The following FAM20B variants were observed in gnomAD, a reference collection of about 807,000 sequenced individuals.
The protein encoded by FAM20B is glycosaminoglycan xylosylkinase.
In FAM20B, 23 loss-of-function variants were observed where a neutral mutation model predicts 43.8. The observed-to-expected ratio is 0.53, with a 90% CI of 0.38 to 0.74. The LOEUF (loss-of-function observed/expected upper bound fraction) is 0.74, where lower values mean the gene tolerates loss of function less well. FAM20B is among the 30% of genes least tolerant of loss of function. The pLI is 0.00. For missense variants in FAM20B, 440 were observed against 510.5 expected, an observed-to-expected ratio of 0.86 and a Z score of 1.33; for synonymous variants, 178 against 192.4, an observed-to-expected ratio of 0.93 and a Z score of 0.62.
At chr1:179,049,575 C>T (rs1650914585) in intron 2 of FAM20B, among the ~76,000 whole-genome samples, 1 of 152,194 alleles carries the variant, frequency 6.6e-6, no homozygotes, top group Admixed American at 6.5e-5. Context: ...GAGCCTCACT[C>T]TGTTGCCCAG....
At chr1:179,070,463 A>G (rs1051390038) in intron 7 of FAM20B, among the ~76,000 whole-genome samples, 10 of 150,390 alleles carry the variant, frequency 6.6e-5, no homozygotes, top group Non-Finnish European at 1.2e-4. Context: ...ATCATGTCAC[A>G]TGGCAGAAGG....
intron 1 of FAM20B, among the ~76,000 whole-genome samples, chr1:179,031,798 G>GCA (rs1650026470): frequency 6.6e-6 from 1 of 152,222 alleles, no homozygotes; most frequent in Admixed American, 6.5e-5. Flanking sequence ...CACATGAAAA[G>GCA]CTGTCATCTT....
In FAM20B at chr1:179,071,902, T is replaced by C; in HGVS notation, c.999-11T>C. ...GTTTTATGTACCTTGTTCTATAACT[T>C]TTTCTCCCAGCATTCGGGTGTCCAC... On this transcript the variant is annotated splice_polypyrimidine_tract_variant and intron_variant, in intron 7 of 7. Coordinates refer to ENST00000263733, the MANE Select transcript of FAM20B (RefSeq NM_014864.4). 1 of 1,597,222 alleles carries C rather than the reference T, an allele frequency of 6.3e-7. No homozygotes were observed. Among genetic ancestry groups the C allele is most frequent in the Non-Finnish European group, 8.6e-7 (1 of 1,164,746 alleles).
chr1:179,025,739 T>A (rs1371644349), upstream of FAM20B: 1 of 128,470 alleles, frequency 7.8e-6, no homozygotes, highest in Admixed American at 7.8e-5. Context: ...GGGCCCGGTA[T>A]GGAAGAGGTT....
At chr1:179,030,556 C>CT (rs1385743690) in intron 1 of FAM20B, among the ~76,000 whole-genome samples, 1 of 152,170 alleles carries the variant, frequency 6.6e-6, no homozygotes, top group Non-Finnish European at 1.5e-5. Context: ...AAGGTGGCAA[C>CT]TTTAAATTGA....
intron 1 of FAM20B, among the ~76,000 whole-genome samples, chr1:179,036,488 C>G (rs1259337693): frequency 1.3e-5 from 2 of 152,160 alleles, no homozygotes; most frequent in African/African-American, 2.4e-5. Context: ...TGAAATAGAG[C>G]AGGCACATTC....
intron 1 of FAM20B, among the ~76,000 whole-genome samples, chr1:179,033,728 C>T (rs57443960): frequency 0.021 from 3,231 of 152,190 alleles, 134 homozygotes; most frequent in African/African-American, 0.075. Flanking sequence ...CAGTCTTGCT[C>T]TGTCACCAGG....
chr1:179,039,927 G>A (rs1234830180), intron 1 of FAM20B, among the ~76,000 whole-genome samples: 2 of 152,038 alleles, frequency 1.3e-5, no homozygotes, highest in East Asian at 3.9e-4. Flanking sequence ...AGGGAGTGGT[G>A]ATGACTCTTA....
At chr1:179,019,689 C>T in the FAM20B span, among the ~76,000 whole-genome samples, 3 of 152,124 alleles carry the variant, frequency 2.0e-5, no homozygotes, top group South Asian at 6.2e-4. Context: ...CTCAAACTCC[C>T]GACCTCAGGT....
chr1:179,047,501 C>T (rs1650822641), intron 2 of FAM20B, among the ~76,000 whole-genome samples: 1 of 152,132 alleles, frequency 6.6e-6, no homozygotes, highest in Non-Finnish European at 1.5e-5. Flanking sequence ...AAACTCTGGC[C>T]CCCTGCTCCC....
At chr1:179,045,666 A>T (rs1650735175) in intron 2 of FAM20B, among the ~76,000 whole-genome samples, 2 of 152,116 alleles carry the variant, frequency 1.3e-5, no homozygotes, top group South Asian at 4.1e-4. Context: ...GCACTTGGGG[A>T]GGCCGAGGTG....
intron 7 of FAM20B, among the ~76,000 whole-genome samples, chr1:179,067,639 T>TA (rs1651748159): frequency 6.6e-6 from 1 of 151,990 alleles, no homozygotes; most frequent in South Asian, 2.1e-4. Context: ...TTGGTTTTTT[T>TA]AAAAAAACTC....
chr1:179,047,081 A>G (rs1650804674), intron 2 of FAM20B, among the ~76,000 whole-genome samples: 1 of 152,208 alleles, frequency 6.6e-6, no homozygotes, highest in African/African-American at 2.4e-5. Context: ...GTGTTAGAAG[A>G]CAGATATTCC....
At chr1:179,047,033 C>T (rs868383232) in intron 2 of FAM20B, among the ~76,000 whole-genome samples, 2 of 152,144 alleles carry the variant, frequency 1.3e-5, no homozygotes, top group Non-Finnish European at 2.9e-5. Flanking sequence ...ACCACTTGTA[C>T]ACTGGAGAAT....
At chr1:179,037,375 C>T (rs1049978493) in intron 1 of FAM20B, among the ~76,000 whole-genome samples, 1 of 151,880 alleles carries the variant, frequency 6.6e-6, no homozygotes, top group African/African-American at 2.4e-5. Flanking sequence ...TTTAACCTGC[C>T]CTCACTTAGA....
intron 2 of FAM20B, among the ~76,000 whole-genome samples, chr1:179,046,995 C>CA (rs1025319548): frequency 1.4e-4 from 21 of 150,492 alleles, no homozygotes; most frequent in East Asian, 3.9e-4. Context: ...AACTCCGTCT[C>CA]AAAAAAAAAG....
chr1:179,065,465 C>T (rs1488120104), intron 6 of FAM20B, among the ~76,000 whole-genome samples: 3 of 152,146 alleles, frequency 2.0e-5, no homozygotes, highest in Admixed American at 6.6e-5. Flanking sequence ...CTAAATAGAA[C>T]GCTTCCTTGG....
Position 179,071,066 on chromosome 1 carries a change from G to A in FAM20B, c.999-847G>A, listed in dbSNP as rs955222542. Among the ~76,000 whole-genome samples the A allele has an allele frequency of 5.3e-5, 8 of 151,826 alleles. No individual in the cohort carries two copies. The South Asian group carries it at 8.3e-4, about 16-fold the overall frequency. On this transcript the variant is annotated intron_variant, in intron 7 of 7. Coordinates refer to ENST00000263733, the MANE Select transcript of FAM20B (RefSeq NM_014864.4). ...TCCCAGCACTTTGGGAGGCCGAGGC[G>A]GGCGGATCACGAGGTCAGGAGATCA...
intron 4 of FAM20B, among the ~76,000 whole-genome samples, chr1:179,058,608 G>C (rs1427965085): frequency 6.6e-6 from 1 of 152,210 alleles, no homozygotes; most frequent in Non-Finnish European, 1.5e-5. Flanking sequence ...CTTAGGAGTA[G>C]AGACTTTCTC....
Sources: allele counts gnomAD v4.1 joint callset (sites outside exome capture counted in the v4.1 genomes callset), GRCh38; gene constraint gnomAD v4.1.1; transcripts MANE v1.5; gene names NCBI Gene and HGNC (gene_info 2026-07-23, HGNC 2026-07-21).